Variants in INTS1 observed in about 807,000 individuals in gnomAD.
INTS1 encodes the protein integrator complex subunit 1.
INTS1 carries 137 observed loss-of-function variants against 241.6 expected under a neutral mutation model. That is an observed-to-expected ratio of 0.57 (90% CI 0.49 to 0.65). INTS1 has a LOEUF of 0.65. Ranked by LOEUF, INTS1 falls within the 30% of genes least tolerant of loss-of-function variation. The probability of loss-of-function intolerance (pLI) is 0.00; values close to 1 mark genes in which losing one functional copy is unlikely to be tolerated. For synonymous variants in INTS1, 1,692 were observed against 1,337.8 expected, an observed-to-expected ratio of 1.26 and a Z score of -5.78; for missense variants, 3,073 against 3,032.2, an observed-to-expected ratio of 1.01 and a Z score of -0.32.
At chr7:1,494,112 G>A (rs890729055) in intron 14 of INTS1, among the ~76,000 whole-genome samples, 1 of 152,180 alleles carries the variant, frequency 6.6e-6, no homozygotes, top group Admixed American at 6.5e-5. Context: ...CCTGGACAAG[G>A]GGAGAAGGGG....
chr7:1,475,422 A>C (rs1055301582), intron 39 of INTS1, among the ~76,000 whole-genome samples: 3 of 152,086 alleles, frequency 2.0e-5, no homozygotes, highest in Non-Finnish European at 4.4e-5. Context: ...TGATTTCAAC[A>C]AATAAAATGA....
At chr7:1,503,250 C>CT in intron 2 of INTS1, 59 bp from the exon 3 acceptor site, 1 of 1,479,890 alleles carries the variant, frequency 6.8e-7, no homozygotes, top group Admixed American at 2.3e-5. Flanking sequence ...TGGAAAAAGA[C>CT]TGACTCTAAC....
At chr7:1,486,092 C>T (rs768621030) in intron 22 of INTS1, among the ~76,000 whole-genome samples, 1 of 152,002 alleles carries the variant, frequency 6.6e-6, no homozygotes, top group African/African-American at 2.4e-5. Context: ...CACACTACCA[C>T]ACCTGGCTAA....
intron 39 of INTS1, 141 bp downstream of exon 39, chr7:1,475,807 A>G (rs1395128264): frequency 1.1e-5 from 12 of 1,068,550 alleles, no homozygotes; most frequent in Non-Finnish European, 1.4e-5. Context: ...ACAAACCCAC[A>G]GGGCCACAGG....
chr7:1,493,211 G>GGGGGT lies in INTS1; in HGVS notation c.2069-106_2069-105insACCCC. ...CGGGCCGCGTCGGGGTGGGGTGGGGGATGCCGCAGGGTGGGGCGCAGGCCT... is the reference window on the plus strand; with the variant it reads ...CGGGCCGCGTCGGGGTGGGGTGGGGGGGGGTATGCCGCAGGGTGGGGCGCAGGCCT... On this transcript the variant is annotated intron_variant, in intron 15 of 47. Coordinates refer to ENST00000404767, the MANE Select transcript of INTS1 (RefSeq NM_001080453.3). The surrounding 1 kb of genome is among the most constrained non-coding windows in gnomAD (Gnocchi z 5.3). The GGGGGT allele has an allele frequency of 1.5e-6, 1 of 646,106 alleles. No homozygotes were observed. The highest frequency in any genetic ancestry group is 2.7e-6 in the Non-Finnish European group (1 of 373,054). The allele number at this position is 646,106 out of a possible 1,614,324, so 40.0% of individuals were successfully genotyped here.
Position 1,498,539 on chromosome 7 carries a change from G to A in INTS1, c.1298C>T (p.Ala433Val), listed in dbSNP as rs377546188. ...FMLCIRELLSAHKDNLGTTIK... is the reference protein window; with the variant it reads ...FMLCIRELLSVHKDNLGTTIK... ...GGTGGTGCCCAGGTTGTCCTTGTGC[G>A]CGCTCAGCAGCTCCCTGGGTGAGGT... The change falls in exon 10 of 48, where the codon GCG (alanine) becomes GTG (valine). Residue 433 changes from alanine (A) to valine (V), a missense_variant. Physicochemically the swap from Ala to Val is moderately conservative, Grantham distance 64 (BLOSUM62 0). Coordinates refer to ENST00000404767, the MANE Select transcript of INTS1 (RefSeq NM_001080453.3). 96 of 1,613,742 alleles carry A rather than the reference G, an allele frequency of 5.9e-5. No homozygotes were observed. The Middle Eastern group carries it at 8.3e-4, about 14-fold the overall frequency.
In INTS1 at chr7:1,503,923, C is replaced by T. The variant is rs1210230691; in HGVS notation, c.38G>A (p.Ser13Asn). Residue 13 changes from serine to asparagine, a missense_variant, in exon 2 of 48, where the codon AGC becomes AAC. By Grantham distance (46) the Ser-to-Asn change is conservative. Coordinates refer to ENST00000404767, the MANE Select transcript of INTS1 (RefSeq NM_001080453.3). The part of the protein sequence containing the change: ...RAKPTTVRRP[S>N]AAAKPSGHPP... ...CGCACCTGAGGGTTTGGCCGCGGCG[C>T]TGGGCCGGCGCACCGTGGTGGGCTT... The T allele has an allele frequency of 2.5e-6, 4 of 1,570,860 alleles. No homozygotes were observed. Among genetic ancestry groups the T allele is most frequent in the Non-Finnish European group, 3.5e-6 (4 of 1,159,282 alleles).
At position 1,471,625 on chromosome 7, in the gene INTS1, C is replaced by T. The variant is rs2128531356; in HGVS notation, c.6201G>A (p.Leu2067=). Residue 2067 remains leucine (L), a synonymous_variant, in exon 45 of 48, where the codon CTG becomes CTA. Transcript: ENST00000404767. ...GQTVEDLLEV[L]SDIDEMSRRR... Reference sequence around the variant, plus strand: ...GCCGGGACATCTCGTCTATGTCACTCAGAACCTCCAGCAGATCTGACACAG... The same window carrying T: ...GCCGGGACATCTCGTCTATGTCACTTAGAACCTCCAGCAGATCTGACACAG... 2 of 1,612,394 alleles carry T rather than the reference C, an allele frequency of 1.2e-6. No individual in the cohort carries two copies. The highest frequency in any genetic ancestry group is 1.7e-4 in the Middle Eastern group (1 of 6,060).
At chr7:1,498,115 G>A (rs1019930130) in intron 10 of INTS1, among the ~76,000 whole-genome samples, 6 of 152,166 alleles carry the variant, frequency 3.9e-5, no homozygotes, top group South Asian at 2.1e-4. Context: ...AAAACAGAAG[G>A]CAACAGGTCT....
chr7:1,499,182 A>G (rs1430167867), intron 7 of INTS1, 21 bp from the exon 8 acceptor site: 3 of 1,606,018 alleles, frequency 1.9e-6, no homozygotes, highest in Admixed American at 3.3e-5. Context: ...GGAGGGAGCG[A>G]GGAGGGAGGA....
Position 1,479,650 on chromosome 7 carries a change from C to A in INTS1, c.4109G>T (p.Ser1370Ile). The A allele has an allele frequency of 2.0e-6, 3 of 1,497,862 alleles. No homozygotes were observed. The highest frequency in any genetic ancestry group is 2.7e-6 in the Non-Finnish European group (3 of 1,120,466). 92.8% of individuals were successfully genotyped at this position (1,497,862 alleles called of 1,614,324 possible). A position where few individuals can be genotyped will look rare whatever the true frequency, so the allele number is the denominator to read the frequency against. Residue 1370 changes from serine (S) to isoleucine (I), a missense_variant, in exon 31 of 48, where the codon AGC (serine) becomes ATC (isoleucine). Ser to Ile is a moderately radical substitution (Grantham distance 142). Transcript: ENST00000404767. ...GAGGGCCACGGGGCGGGGACTGGAG[C>A]TCTGCCACCGAGGGTCCGGGCTGAG... is the stretch of plus-strand genomic sequence containing the variant. ...FPLSPDPRWQ[S>I]SSPRPVALAL...
chr7:1,494,639 G>A (rs1782755994), intron 14 of INTS1, 177 bp downstream of exon 14: 3 of 666,388 alleles, frequency 4.5e-6, no homozygotes, highest in African/African-American at 1.8e-5. Context: ...GCGCTGGGAC[G>A]CCAGCATGGG....
In INTS1 at chr7:1,487,940, G is replaced by A. The variant is rs200762544; in HGVS notation, c.2336C>T (p.Pro779Leu). 103 of 1,613,308 alleles carry A rather than the reference G, an allele frequency of 6.4e-5. No individual in the cohort carries two copies. In the African/African-American group the frequency reaches 7.2e-4, roughly 11 times the overall value. Residue 779 changes from proline (P) to leucine (L), a missense_variant, in exon 19 of 48, where the codon CCG (proline) becomes CTG (leucine). Pro to Leu is a moderately conservative substitution (Grantham distance 98). Coordinates refer to ENST00000404767, the MANE Select transcript of INTS1 (RefSeq NM_001080453.3). Reference protein sequence around the residue: ...MVMTNNYSYPPCTLTDEETRT... With the variant: ...MVMTNNYSYPLCTLTDEETRT... ...GGTCTCCTCATCCGTCAGGGTGCACGGTGGGTAGGAGTAGTTGCTAGGGCC... is the reference window on the plus strand; with the variant it reads ...GGTCTCCTCATCCGTCAGGGTGCACAGTGGGTAGGAGTAGTTGCTAGGGCC...
chr7:1,485,720 G>A (rs139940918), intron 22 of INTS1, among the ~76,000 whole-genome samples: 7 of 152,388 alleles, frequency 4.6e-5, no homozygotes, highest in Non-Finnish European at 2.9e-5. Flanking sequence ...GCAGGCGGCA[G>A]GGTCCACCTT....
rs1782764589 is a variant in INTS1 at position 1,494,796 on chromosome 7, C to T, written c.1910+20G>A. 4 of 1,552,528 alleles carry T rather than the reference C, an allele frequency of 2.6e-6. No homozygotes were observed. The highest frequency in any genetic ancestry group is 1.4e-5 in the African/African-American group (1 of 73,174). ...CCGCCCAGCCCGGCACACAGGAGCC[C>T]CAGGCGGCAGCGCACTCACTTGCGG... On this transcript the variant is annotated intron_variant, in intron 14 of 47. Coordinates refer to ENST00000404767, the MANE Select transcript of INTS1 (RefSeq NM_001080453.3).
rs1458940578 is a variant in INTS1, at chr7:1,474,210, C to A, written c.5787G>T (p.Gly1929=). ...QPHVFRSEHQ[G]ALWDCLLSFI... is the part of the protein sequence containing the mutation. Reference sequence around the variant, plus strand: ...AGGACAGAAGGCAGTCCCACAGCGCCCCCTGGTGCTCGCTGCGGAACACGT... The same window carrying A: ...AGGACAGAAGGCAGTCCCACAGCGCACCCTGGTGCTCGCTGCGGAACACGT... Residue 1929 remains glycine (G), a synonymous_variant, in exon 41 of 48, where the codon GGG becomes GGT. Transcript: ENST00000404767. The A allele has an allele frequency of 6.3e-7, 1 of 1,592,300 alleles. No individual in the cohort carries two copies. Among genetic ancestry groups the A allele is most frequent in the East Asian group, 2.3e-5 (1 of 44,418 alleles).
chr7:1,495,540 G>T lies in INTS1; in HGVS notation c.1725C>A (p.Leu575=). The part of the protein sequence containing the change: ...DKGEKRNLEV[L]RSFQNQIAAI... Reference sequence around the variant, plus strand: ...CGGCAATCTGGTTCTGGAATGAGCGGAGCACTTCCAGGTCTGAAACAGACA... The same window carrying T: ...CGGCAATCTGGTTCTGGAATGAGCGTAGCACTTCCAGGTCTGAAACAGACA... The change falls in exon 13 of 48, where the codon CTC becomes CTA. Residue 575 remains leucine (L), a synonymous_variant. Transcript: ENST00000404767. 6.2e-7 allele frequency: 1 copy of T among 1,610,930 alleles called. No individual in the cohort carries two copies. The highest frequency in any genetic ancestry group is 1.1e-5 in the South Asian group (1 of 90,804).
At chr7:1,495,342 A>T in intron 13 of INTS1, 91 bp downstream of exon 13, 2 of 1,459,066 alleles carry the variant, frequency 1.4e-6, no homozygotes, top group South Asian at 2.6e-5. Flanking sequence ...GTCCTGGCTC[A>T]GTGGGGTTTG....
chr7:1,475,344 C>T (rs1232761045), intron 39 of INTS1, among the ~76,000 whole-genome samples: 5 of 152,094 alleles, frequency 3.3e-5, no homozygotes, highest in African/African-American at 9.7e-5. Context: ...ATGATGGTAC[C>T]GCTGCACTCC....
Sources: gnomAD v4.1 joint callset for allele counts (sites outside exome capture counted in the v4.1 genomes callset) on GRCh38, gnomAD v4.1.1 for gene constraint, Gnocchi (gnomAD v3.1) non-coding constraint, MANE v1.5 for transcripts, NCBI Gene and HGNC (gene_info 2026-07-23, HGNC 2026-07-21) for gene names.